Variants in EXOC4 observed in about 807,000 individuals in gnomAD.
The protein encoded by EXOC4 is SEC8-like 1.
In EXOC4, 71 loss-of-function variants were observed where a neutral mutation model predicts 107.2. The ratio of observed to expected loss-of-function variants is 0.66; its 90% CI spans 0.55 to 0.81. The LOEUF is 0.81. Ranked by LOEUF, EXOC4 falls within the 30% of genes least tolerant of loss-of-function variation. The probability of loss-of-function intolerance (pLI) is 0.00; values close to 1 mark genes in which losing one functional copy is unlikely to be tolerated. For synonymous variants in EXOC4, 456 were observed against 441.2 expected, an observed-to-expected ratio of 1.03 and a Z score of -0.42; for missense variants, 1,108 against 1,189.6, an observed-to-expected ratio of 0.93 and a Z score of 1.01.
chr7:133,672,998 A>G (rs542664093), intron 10 of EXOC4, among the ~76,000 whole-genome samples: 6 of 152,306 alleles, frequency 3.9e-5, no homozygotes, highest in South Asian at 4.1e-4. Context: ...CTGCCATCTT[A>G]TAGCTGCTAC....
rs755208350 is a variant in EXOC4, at chr7:134,004,958, T to C, written c.2395T>C (p.Tyr799His). 1 of 1,613,580 alleles carries C rather than the reference T, an allele frequency of 6.2e-7. No homozygotes were observed. Among genetic ancestry groups the C allele is most frequent in the Non-Finnish European group, 8.5e-7 (1 of 1,179,622 alleles). ...YLIPLAKEGN[Y>H]AIVANVESMD... Reference sequence around the variant, plus strand: ...TATCCCTCTTGCAAAGGAGGGGAACTATGCCATTGTGGCTAATGTGGAAAG... The same window carrying C: ...TATCCCTCTTGCAAAGGAGGGGAACCATGCCATTGTGGCTAATGTGGAAAG... Residue 799 changes from tyrosine to histidine, a missense_variant, in exon 16 of 18, where the codon TAT becomes CAT. Transcript: ENST00000253861.
At chr7:133,602,008 C>T (rs1169708340) in intron 9 of EXOC4, 2 of 152,406 alleles carry the variant, frequency 1.3e-5, no homozygotes, top group East Asian at 3.9e-4. Context: ...ACCAATTTTA[C>T]AGGTTCGTAT....
downstream of EXOC4, among the ~76,000 whole-genome samples, chr7:134,070,835 C>G: frequency 6.6e-6 from 1 of 152,048 alleles, no homozygotes; most frequent in Non-Finnish European, 1.5e-5. Context: ...TCCCATTTTC[C>G]TTGATCTCAT....
chr7:133,447,980 G>A (rs1458846088), intron 7 of EXOC4, among the ~76,000 whole-genome samples: 1 of 152,152 alleles, frequency 6.6e-6, no homozygotes, highest in African/African-American at 2.4e-5. Flanking sequence ...TTATTTAGTA[G>A]TTGTCATGGA....
intron 7 of EXOC4, among the ~76,000 whole-genome samples, chr7:133,418,835 G>A (rs7778778): frequency 0.84 from 128,113 of 152,202 alleles, 54,188 homozygotes; most frequent in East Asian, 0.95. Context: ...ATTTTATAGC[G>A]AACTTCTATG....
At chr7:133,952,723 C>T (rs1800721463) in intron 14 of EXOC4, among the ~76,000 whole-genome samples, 1 of 152,148 alleles carries the variant, frequency 6.6e-6, no homozygotes, top group African/African-American at 2.4e-5. Context: ...CTAGGTGGCC[C>T]ATATAAGTGG....
chr7:133,931,660 T>G (rs979537519), intron 13 of EXOC4, among the ~76,000 whole-genome samples: 5 of 152,188 alleles, frequency 3.3e-5, no homozygotes, highest in Admixed American at 6.5e-5. Context: ...AACAGGTGTT[T>G]TCAAAACATA....
chr7:133,827,234 TGAA>T (rs1797723621), intron 11 of EXOC4, among the ~76,000 whole-genome samples: 1 of 152,224 alleles, frequency 6.6e-6, no homozygotes. Context: ...TAACTGTTGA[TGAA>T]GAAGGCTGTG....
chr7:133,329,215 A>G (rs1044765989), intron 5 of EXOC4, among the ~76,000 whole-genome samples: 2 of 152,150 alleles, frequency 1.3e-5, no homozygotes, highest in African/African-American at 2.4e-5. Flanking sequence ...CAAATCAGCT[A>G]TTGAAGCTTG....
At chr7:133,966,875 T>G (rs1801083434) in intron 14 of EXOC4, among the ~76,000 whole-genome samples, 1 of 152,218 alleles carries the variant, frequency 6.6e-6, no homozygotes, top group African/African-American at 2.4e-5. Flanking sequence ...CTTTTTCTAT[T>G]GTTTGGAATA....
intron 13 of EXOC4, chr7:133,930,801 A>G (rs1004863492): frequency 2.0e-5 from 3 of 151,998 alleles, no homozygotes; most frequent in Non-Finnish European, 2.9e-5. Flanking sequence ...TGTTTTAACT[A>G]GCCTGTTAGG....
At chr7:133,539,594 G>T (rs1045845563) in intron 9 of EXOC4, among the ~76,000 whole-genome samples, 1 of 147,680 alleles carries the variant, frequency 6.8e-6, no homozygotes, top group African/African-American at 2.6e-5. Context: ...TCTGTGGGGT[G>T]GGGGGGTATA....
At chr7:133,287,371 C>A (rs1043100585) in intron 2 of EXOC4, among the ~76,000 whole-genome samples, 1 of 151,980 alleles carries the variant, frequency 6.6e-6, no homozygotes, top group African/African-American at 2.4e-5. Context: ...AGTGCAGTGG[C>A]ACGATCTCGG....
chr7:133,854,443 C>T (rs1249416575), intron 11 of EXOC4, among the ~76,000 whole-genome samples: 2 of 151,548 alleles, frequency 1.3e-5, no homozygotes, highest in Non-Finnish European at 2.9e-5. Context: ...CACACACACA[C>T]ACACACATAC....
intron 14 of EXOC4, among the ~76,000 whole-genome samples, chr7:133,967,950 T>C (rs1331817163): frequency 6.6e-6 from 1 of 152,156 alleles, no homozygotes; most frequent in Admixed American, 6.5e-5. Flanking sequence ...CCCACTATTA[T>C]TGTGTGGGAG....
chr7:133,934,154 G>C (rs1800244710), intron 13 of EXOC4, among the ~76,000 whole-genome samples: 1 of 152,184 alleles, frequency 6.6e-6, no homozygotes, highest in South Asian at 2.1e-4. Context: ...GTTTTCCATA[G>C]TATAGATAGA....
intron 11 of EXOC4, among the ~76,000 whole-genome samples, chr7:133,870,761 A>G (rs1450310589): frequency 6.6e-6 from 1 of 152,158 alleles, no homozygotes; most frequent in African/African-American, 2.4e-5. Context: ...CCTTCTCTAG[A>G]CTTGCCTTCT....
intron 7 of EXOC4, among the ~76,000 whole-genome samples, chr7:133,416,729 C>T (rs1797483324): frequency 6.6e-6 from 1 of 152,130 alleles, no homozygotes; most frequent in African/African-American, 2.4e-5. Flanking sequence ...CGTTTCAGAA[C>T]ACTCTGAAAG....
chr7:133,627,853 A>G (rs773812852), intron 9 of EXOC4, among the ~76,000 whole-genome samples: 5 of 152,200 alleles, frequency 3.3e-5, no homozygotes, highest in Admixed American at 6.5e-5. Flanking sequence ...TATTCTTAAG[A>G]AAACGTATGC....
Sources: gnomAD v4.1 joint callset for allele counts (sites outside exome capture counted in the v4.1 genomes callset) on GRCh38, gnomAD v4.1.1 for gene constraint, MANE v1.5 for transcripts, NCBI Gene and HGNC (gene_info 2026-07-23, HGNC 2026-07-21) for gene names.